The following CIAO2A variants were observed in gnomAD, a reference collection of about 807,000 sequenced individuals.
CIAO2A encodes MIP18 family protein FAM96A.
In CIAO2A, 17 loss-of-function variants were observed where a neutral mutation model predicts 22.4. That is an observed-to-expected ratio of 0.76 (90% CI 0.52 to 1.14). The LOEUF is 1.14. CIAO2A is among the 50% of genes most tolerant of loss of function. The pLI, the probability that CIAO2A is intolerant of heterozygous loss-of-function variation, is 0.00. For missense variants in CIAO2A, 192 were observed against 191.4 expected, an observed-to-expected ratio of 1.00 and a Z score of -0.02; for synonymous variants, 74 against 72.3, an observed-to-expected ratio of 1.02 and a Z score of -0.12.
intron 2 of CIAO2A, among the ~76,000 whole-genome samples, chr15:64,087,841 C>T (rs1035712822): frequency 2.6e-5 from 4 of 152,168 alleles, no homozygotes; most frequent in African/African-American, 4.8e-5. Context: ...CCGCTAACAC[C>T]CTTATAGCTA....
chr15:64,087,083 G>GC (rs2080803049), intron 2 of CIAO2A, among the ~76,000 whole-genome samples: 1 of 80,114 alleles, frequency 1.2e-5, no homozygotes, highest in Admixed American at 1.4e-4. Flanking sequence ...TGCTAATTTT[G>GC]CTTTTTTTTT....
At chr15:64,087,520 C>T (rs562553148) in intron 2 of CIAO2A, among the ~76,000 whole-genome samples, 3 of 152,228 alleles carry the variant, frequency 2.0e-5, no homozygotes, top group South Asian at 2.1e-4. Context: ...TGAGCCACCA[C>T]GCCCGGTCAC....
Position 64,073,151 on chromosome 15 carries a change from C to T in CIAO2A, c.386-123G>A, listed in dbSNP as rs1372385898. 6.7e-6 allele frequency: 4 copies of T among 592,676 alleles called. No individual in the cohort carries two copies. In the East Asian group the frequency reaches 8.6e-5, roughly 13 times the overall value. The allele number at this position is 592,676 out of a possible 1,614,324, so 36.7% of individuals were successfully genotyped here. The stretch of plus-strand genomic sequence containing the variant: ...CTTGAGAACTTAAACCTGTTTTTGG[C>T]TAATTACTCATAATGTAATTTCCCA... On this transcript the variant is annotated intron_variant, in intron 4 of 4. Transcript: ENST00000300030.
At chr15:64,085,210 A>G (rs1420907325) in intron 2 of CIAO2A, among the ~76,000 whole-genome samples, 1 of 152,254 alleles carries the variant, frequency 6.6e-6, no homozygotes, top group Non-Finnish European at 1.5e-5. Context: ...CAATATGATT[A>G]GCATGTAACC....
rs566729153 is a variant in CIAO2A, at chr15:64,089,399, A to T, written c.125-548T>A. Among the ~76,000 whole-genome samples, 3 of 151,778 alleles carry T rather than the reference A, an allele frequency of 2.0e-5. No homozygotes were observed. In the South Asian group the frequency reaches 6.2e-4, roughly 32 times the overall value. The stretch of plus-strand genomic sequence containing the variant: ...AAAAATTAGCCGGGTGTAGTGGTGC[A>T]GGCCTGTGGTCCCAGCCACTCAGGA... On this transcript the variant is annotated intron_variant, in intron 1 of 4. Coordinates refer to ENST00000300030, the MANE Select transcript of CIAO2A (RefSeq NM_032231.7).
At position 64,093,692 on chromosome 15, in the gene CIAO2A, G is replaced by A. The variant is rs1268202557; in HGVS notation, c.77C>T (p.Ala26Val). Residue 26 changes from alanine (A) to valine (V), a missense_variant, in exon 1 of 5, where the codon GCT becomes GTT. Coordinates refer to ENST00000300030, the MANE Select transcript of CIAO2A (RefSeq NM_032231.7). The stretch of plus-strand genomic sequence containing the variant: ...TTCCATGATCCGGGGCTGCCGGGCA[G>A]CTCCCGGCTCAGAGAGGCCGGAGAG... ...LWLSGLSEPGAARQPRIMEEK... is the reference protein window; with the variant it reads ...LWLSGLSEPGVARQPRIMEEK... The A allele has an allele frequency of 6.2e-7, 1 of 1,614,050 alleles. No homozygotes were observed. The highest frequency in any genetic ancestry group is 1.3e-5 in the African/African-American group (1 of 75,044).
intron 2 of CIAO2A, among the ~76,000 whole-genome samples, chr15:64,082,273 G>A (rs1279199551): frequency 6.6e-6 from 1 of 152,136 alleles, no homozygotes; most frequent in African/African-American, 2.4e-5. Context: ...CTATTGCCCA[G>A]GCTGGAGTAC....
intron 4 of CIAO2A, among the ~76,000 whole-genome samples, chr15:64,074,105 A>G (rs1183957693): frequency 6.6e-6 from 1 of 152,036 alleles, no homozygotes; most frequent in Non-Finnish European, 1.5e-5. Context: ...TTTTTTTAAA[A>G]TTAGTTTGAA....
intron 2 of CIAO2A, among the ~76,000 whole-genome samples, chr15:64,085,836 G>A (rs900436302): frequency 6.6e-6 from 1 of 151,810 alleles, no homozygotes; most frequent in Admixed American, 6.6e-5. Flanking sequence ...AGCCTCCCAC[G>A]TAGCTGGGAT....
intron 1 of CIAO2A, among the ~76,000 whole-genome samples, chr15:64,092,247 C>A (rs1261816988): frequency 1.3e-5 from 2 of 152,090 alleles, no homozygotes; most frequent in Non-Finnish European, 2.9e-5. Context: ...AACCACAAAC[C>A]CTATCCTATA....
At position 64,087,600 on chromosome 15, in the gene CIAO2A, A is replaced by G. The variant is rs146758418; in HGVS notation, c.289+1087T>C. On this transcript the variant is annotated intron_variant, in intron 2 of 4. Transcript: ENST00000300030. ...CCTCCAGTCCCTCAAGATGTGGCCTATATGGTGGAAACCACCAGCAGAGGG... is the reference window on the plus strand; with the variant it reads ...CCTCCAGTCCCTCAAGATGTGGCCTGTATGGTGGAAACCACCAGCAGAGGG... 9.8e-5 allele frequency among the ~76,000 whole-genome samples: 15 copies of G among 152,360 alleles called. No homozygotes were observed. The East Asian group carries it at 2.5e-3, about 25-fold the overall frequency.
At chr15:64,079,205 T>C (rs371515) in intron 3 of CIAO2A, among the ~76,000 whole-genome samples, 140,798 of 152,222 alleles carry the variant, frequency 0.92, 66,026 homozygotes, top group East Asian at 1. Flanking sequence ...TCAGGACTGA[T>C]ATCATGGAAA....
intron 3 of CIAO2A, among the ~76,000 whole-genome samples, chr15:64,079,835 C>A (rs910353921): frequency 6.6e-6 from 1 of 152,132 alleles, no homozygotes; most frequent in Non-Finnish European, 1.5e-5. Flanking sequence ...AAATTTAAAA[C>A]TTTTGTACTG....
intron 4 of CIAO2A, 142 bp downstream of exon 4, chr15:64,075,350 C>T: frequency 1.8e-6 from 1 of 564,050 alleles, no homozygotes; most frequent in South Asian, 2.5e-5. Context: ...TAGGTTTCCT[C>T]ACCTAGGAAG....
intron 1 of CIAO2A, 135 bp downstream of exon 1, chr15:64,093,510 G>C (rs2080861140): frequency 2.7e-6 from 3 of 1,101,822 alleles, no homozygotes; most frequent in Middle Eastern, 3.3e-4. Flanking sequence ...ACAAGATCTG[G>C]CCAAAAACAA....
intron 2 of CIAO2A, among the ~76,000 whole-genome samples, chr15:64,087,042 G>C (rs1207860119): frequency 1.3e-5 from 2 of 149,726 alleles, no homozygotes; most frequent in Non-Finnish European, 3.0e-5. Flanking sequence ...CTCTCAAGTA[G>C]CTGGGATTAC....
At chr15:64,080,894 C>T (rs762431685) in intron 3 of CIAO2A, among the ~76,000 whole-genome samples, 1 of 152,058 alleles carries the variant, frequency 6.6e-6, no homozygotes, top group Non-Finnish European at 1.5e-5. Flanking sequence ...TATATGCCTA[C>T]ACAAAAACTT....
chr15:64,074,018 T>C (rs550663688), intron 4 of CIAO2A, among the ~76,000 whole-genome samples: 12 of 152,284 alleles, frequency 7.9e-5, no homozygotes, highest in Middle Eastern at 3.4e-3. Context: ...AATAGGAAAA[T>C]AGAACATTTT....
chr15:64,074,516 T>C (rs2080701594), intron 4 of CIAO2A: 2 of 152,238 alleles, frequency 1.3e-5, no homozygotes, highest in Admixed American at 6.5e-5. Context: ...TAAACTCTTA[T>C]TTTTCTAAAT....
Sources: gnomAD v4.1 joint callset for allele counts (sites outside exome capture counted in the v4.1 genomes callset) on GRCh38, gnomAD v4.1.1 for gene constraint, MANE v1.5 for transcripts, NCBI Gene and HGNC (gene_info 2026-07-23, HGNC 2026-07-21) for gene names.